GABRB1: variants seen among roughly 807,000 people sequenced by gnomAD.
The protein encoded by GABRB1 is gamma-aminobutyric acid receptor subunit beta-1.
A neutral mutation model predicts 51.6 loss-of-function variants in GABRB1; 17 were observed. That is an observed-to-expected ratio of 0.33 (90% CI 0.23 to 0.49). The LOEUF is 0.49. Among genes scored for constraint, GABRB1 ranks in the 20% least tolerant of loss-of-function variants. The pLI, the probability that GABRB1 is intolerant of heterozygous loss-of-function variation, is 0.99. For missense variants in GABRB1, 410 were observed against 600.6 expected (o/e 0.68, Z 3.32); for synonymous variants, 247 against 218.9 (o/e 1.13, Z -1.14).
At chr4:47,227,093 G>C (rs1483247769) in intron 4 of GABRB1, among the ~76,000 whole-genome samples, 4 of 152,162 alleles carry the variant, frequency 2.6e-5, no homozygotes, top group Non-Finnish European at 1.5e-5. Flanking sequence ...AAGTGCCTGA[G>C]AGGAATGCCG....
At chr4:47,306,998 G>A (rs1041432309) in intron 4 of GABRB1, among the ~76,000 whole-genome samples, 2 of 152,058 alleles carry the variant, frequency 1.3e-5, no homozygotes, top group African/African-American at 4.8e-5. Context: ...TGAGTCAAGA[G>A]GTAATCACTG....
chr4:47,107,997 T>C (rs1004199645), intron 3 of GABRB1, among the ~76,000 whole-genome samples: 11 of 152,112 alleles, frequency 7.2e-5, no homozygotes, highest in Non-Finnish European at 1.2e-4. Context: ...TTTCCCATTA[T>C]TAGGGAACCA....
intron 3 of GABRB1, among the ~76,000 whole-genome samples, chr4:47,152,633 C>A (rs943575321): frequency 6.6e-6 from 1 of 151,978 alleles, no homozygotes; most frequent in African/African-American, 2.4e-5. Flanking sequence ...TGACCCATAA[C>A]TACTTATTTG....
In GABRB1 at chr4:47,269,935, TACACACAC is replaced by T. The variant is rs10639386; in HGVS notation, c.462-50158_462-50151del. 1.6e-3 allele frequency among the ~76,000 whole-genome samples: 215 copies of T among 136,056 alleles called. 2 individuals carry two copies. The highest frequency in any genetic ancestry group is 2.0e-3 in the Admixed American group (27 of 13,336). The allele number at this position is 136,056 out of a possible 152,430, so 89.3% of individuals were successfully genotyped here. ...CTAAGGTGTCCTTGTCAACTCTCCC[TACACACAC>T]ACACACACACACACACACACACACA... On this transcript the variant is annotated intron_variant, in intron 4 of 8. Transcript: ENST00000295454.
chr4:47,155,121 C>T (rs1335092639), intron 3 of GABRB1, among the ~76,000 whole-genome samples: 4 of 152,038 alleles, frequency 2.6e-5, no homozygotes, highest in African/African-American at 9.7e-5. Context: ...GGGAGGAGAG[C>T]GGCCTCATGT....
intron 4 of GABRB1, among the ~76,000 whole-genome samples, chr4:47,211,383 C>T (rs1263796782): frequency 1.3e-5 from 2 of 152,222 alleles, no homozygotes; most frequent in African/African-American, 2.4e-5. Flanking sequence ...TATTAGGTAT[C>T]TTGTGTATTA....
chr4:47,020,033 G>T, intron 1 of GABRB1, among the ~76,000 whole-genome samples: 1 of 151,922 alleles, frequency 6.6e-6, no homozygotes, highest in Middle Eastern at 3.4e-3. Context: ...CAATCTACCC[G>T]CCTCAGCCTC....
chr4:47,077,747 A>G (rs9686023), intron 3 of GABRB1, among the ~76,000 whole-genome samples: 67,359 of 148,328 alleles, frequency 0.45, 15,543 homozygotes, highest in East Asian at 0.51. Context: ...TTAGCTTATC[A>G]GAGACCTGCA....
chr4:47,024,623 T>C (rs940237628), intron 1 of GABRB1, among the ~76,000 whole-genome samples: 6 of 151,938 alleles, frequency 3.9e-5, no homozygotes, highest in African/African-American at 1.2e-4. Flanking sequence ...TTTGGTTATA[T>C]GGATAAGTTC....
intron 1 of GABRB1, among the ~76,000 whole-genome samples, chr4:47,017,934 CTTT>C (rs1724798486): frequency 6.6e-6 from 1 of 152,156 alleles, no homozygotes; most frequent in Non-Finnish European, 1.5e-5. Flanking sequence ...TGACTTTTCT[CTTT>C]CAAAATAAAA....
At chr4:47,120,965 G>T (rs1715750851) in intron 3 of GABRB1, among the ~76,000 whole-genome samples, 1 of 152,178 alleles carries the variant, frequency 6.6e-6, no homozygotes, top group Non-Finnish European at 1.5e-5. Context: ...GCCCTGGCTG[G>T]TGTCTCACTA....
rs151091365 is a variant in GABRB1, at chr4:47,397,324, C to T, written c.545-5994C>T. On this transcript the variant is annotated intron_variant, in intron 5 of 8. Coordinates refer to ENST00000295454, the MANE Select transcript of GABRB1 (RefSeq NM_000812.4). ...ATAGTTTATGACATGAAATAGGGGT[C>T]CAAACTGCTGTTTCAAGTAATTTCT... Among the ~76,000 whole-genome samples, 820 of 152,214 alleles carry T rather than the reference C, an allele frequency of 5.4e-3. 4 individuals are homozygous for T. The highest frequency in any genetic ancestry group is 8.1e-3 in the Non-Finnish European group (552 of 68,004).
At chr4:47,260,460 G>A (rs921507895) in intron 4 of GABRB1, among the ~76,000 whole-genome samples, 1 of 152,140 alleles carries the variant, frequency 6.6e-6, no homozygotes, top group Non-Finnish European at 1.5e-5. Flanking sequence ...TGCAGTGGCT[G>A]GTACCAGTTG....
At chr4:47,086,690 A>G (rs1427050613) in intron 3 of GABRB1, among the ~76,000 whole-genome samples, 1 of 152,204 alleles carries the variant, frequency 6.6e-6, no homozygotes, top group Non-Finnish European at 1.5e-5. Flanking sequence ...CTGTCAGATT[A>G]TATCACTCTT....
intron 4 of GABRB1, among the ~76,000 whole-genome samples, chr4:47,222,522 G>A (rs1720804210): frequency 6.6e-6 from 1 of 152,084 alleles, no homozygotes; most frequent in African/African-American, 2.4e-5. Context: ...CTGCCACCAT[G>A]TGAAGAAGCC....
chr4:47,141,316 C>A (rs915938100), intron 3 of GABRB1, among the ~76,000 whole-genome samples: 7 of 151,882 alleles, frequency 4.6e-5, no homozygotes, highest in Non-Finnish European at 1.0e-4. Flanking sequence ...GTCTACATGA[C>A]AAGTAGCTTA....
At chr4:47,314,513 A>C (rs934900445) in intron 4 of GABRB1, among the ~76,000 whole-genome samples, 1 of 152,026 alleles carries the variant, frequency 6.6e-6, no homozygotes, top group Non-Finnish European at 1.5e-5. Flanking sequence ...AAAATGGACT[A>C]AATAAAGTGA....
At chr4:47,119,510 CTTTT>C (rs71195603) in intron 3 of GABRB1, among the ~76,000 whole-genome samples, 3 of 139,186 alleles carry the variant, frequency 2.2e-5, no homozygotes, top group Admixed American at 7.1e-5. Flanking sequence ...CTTTTTCTTT[CTTTT>C]TTTTTTTTTT....
chr4:47,171,465 G>T (rs1216292931), intron 4 of GABRB1, among the ~76,000 whole-genome samples: 1 of 151,998 alleles, frequency 6.6e-6, no homozygotes, highest in Admixed American at 6.6e-5. Context: ...TCTTCTGCAG[G>T]ACTCTCATCT....
Sources: allele counts gnomAD v4.1 joint callset (sites outside exome capture counted in the v4.1 genomes callset), GRCh38; gene constraint gnomAD v4.1.1; transcripts MANE v1.5; gene names NCBI Gene and HGNC (gene_info 2026-07-23, HGNC 2026-07-21).